ESR1: variants seen among roughly 807,000 people sequenced by gnomAD.
The protein encoded by ESR1 is estrogen receptor.
Under a neutral mutation model 52.7 loss-of-function variants are expected in ESR1, and 12 were observed. That is an observed-to-expected ratio of 0.23 (90% CI 0.15 to 0.37). The LOEUF (loss-of-function observed/expected upper bound fraction) is 0.37, where lower values mean the gene tolerates loss of function less well. Ranked by LOEUF, ESR1 falls within the 10% of genes least tolerant of loss-of-function variation. ESR1 has a pLI of 1.00. For missense variants in ESR1, 584 were observed against 779.7 expected (o/e 0.75, Z 2.99); for synonymous variants, 305 against 316.8 (o/e 0.96, Z 0.39).
intron 4 of ESR1, among the ~76,000 whole-genome samples, chr6:151,948,041 A>G (rs2035907176): frequency 6.6e-6 from 1 of 152,194 alleles, no homozygotes; most frequent in Non-Finnish European, 1.5e-5. Context: ...TTAATTTACT[A>G]TTATTTTACA....
chr6:151,842,815 T>G (rs1422357314), intron 2 of ESR1, 28 bp downstream of exon 2: 1 of 1,604,092 alleles, frequency 6.2e-7, no homozygotes, highest in East Asian at 2.2e-5. Context: ...ACGACTTCTA[T>G]TTTTGATCCT....
At chr6:151,912,282 C>T (rs1314090742) in intron 3 of ESR1, among the ~76,000 whole-genome samples, 3 of 152,188 alleles carry the variant, frequency 2.0e-5, no homozygotes, top group African/African-American at 7.2e-5. Context: ...TTTTCAAATT[C>T]GGTTGAAACA....
intron 2 of ESR1, among the ~76,000 whole-genome samples, chr6:151,770,594 C>A (rs1785430894): frequency 6.6e-6 from 1 of 151,980 alleles, no homozygotes; most frequent in African/African-American, 2.4e-5. Context: ...TTGACCATTT[C>A]TTTCCAAGCG....
rs375211210 is a variant in ESR1 at position 152,016,805 on chromosome 6, A to AT, written c.1235+5016dup. 6.3e-4 allele frequency among the ~76,000 whole-genome samples: 96 copies of AT among 152,214 alleles called. 1 individual carries two copies. The highest frequency in any genetic ancestry group is 2.2e-3 in the African/African-American group (91 of 41,552). On this transcript the variant is annotated intron_variant, in intron 5 of 7. Transcript: ENST00000206249. ...AGAGGCAGATGATGGTAATTTCATC[A>AT]TTTTTCTCATATCTCAGGCATTGTG...
intron 2 of ESR1, among the ~76,000 whole-genome samples, chr6:151,796,527 A>G (rs1583323524): frequency 6.6e-6 from 1 of 152,236 alleles, no homozygotes; most frequent in Non-Finnish European, 1.5e-5. Context: ...TAAATAAAAT[A>G]CAATTTTAAA....
Position 152,098,524 on chromosome 6 carries a change from A to C in ESR1, c.1554-208A>C, listed in dbSNP as rs1293398652. Among the ~76,000 whole-genome samples, 1 of 152,034 alleles carries C rather than the reference A, an allele frequency of 6.6e-6. No individual in the cohort carries two copies. Among genetic ancestry groups the C allele is most frequent in the Non-Finnish European group, 1.5e-5 (1 of 67,994 alleles). ...CCGCCCTGGTAGGAGGTGGAAAATG[A>C]AAAACACACGGCCATGAGTTCCAGA... On this transcript the variant is annotated intron_variant, in intron 7 of 7. Transcript: ENST00000206249. This position sits in a 1 kb window ranked among gnomAD's most constrained non-coding sequence, Gnocchi z 5.1.
rs1234205241 is a variant in ESR1 at position 151,848,334 on chromosome 6, CG to C, written c.643+5552del. Among the ~76,000 whole-genome samples the C allele has an allele frequency of 5.4e-5, 5 of 93,294 alleles. No homozygotes were observed. The South Asian group carries it at 2.2e-3, about 41-fold the overall frequency. The allele number at this position is 93,294 out of a possible 152,430, so 61.2% of individuals were successfully genotyped here. A position where few individuals can be genotyped will look rare whatever the true frequency, so the allele number is the denominator to read the frequency against. On this transcript the variant is annotated intron_variant, in intron 2 of 7. Coordinates refer to ENST00000206249, the MANE Select transcript of ESR1 (RefSeq NM_000125.4). ...CACACTCTGGGGACTGTGGTGGGGT[CG>C]GGGGAGGGGGGAGGGATAGCATTGG...
At chr6:151,751,587 GA>G (rs559552982) in intron 2 of ESR1, among the ~76,000 whole-genome samples, 153 of 152,292 alleles carry the variant, frequency 1.0e-3, no homozygotes, top group African/African-American at 3.3e-3. Context: ...ATTTAGGGGG[GA>G]AAAATCCCAA....
At chr6:151,806,524 T>C (rs955080969), upstream of ESR1, among the ~76,000 whole-genome samples, 1 of 61,754 alleles carries the variant, frequency 1.6e-5, no homozygotes, top group African/African-American at 6.1e-5. Context: ...TTTGTCTCCT[T>C]AATATGTATA....
intron 4 of ESR1, among the ~76,000 whole-genome samples, chr6:151,964,906 T>A (rs1236402833): frequency 1.3e-5 from 2 of 152,172 alleles, no homozygotes; most frequent in Non-Finnish European, 2.9e-5. Flanking sequence ...CCTTCCAAAG[T>A]GCTGGGATTA....
rs982346017 is a variant in ESR1, at chr6:151,839,358, A to G, written c.453-3239A>G. Among the ~76,000 whole-genome samples, 12 of 152,278 alleles carry G rather than the reference A, an allele frequency of 7.9e-5. No individual in the cohort carries two copies. In the East Asian group the frequency reaches 2.3e-3, roughly 29 times the overall value. ...AAGAAGAGAGTAAGTGTTGGAGAGG[A>G]TATAGAGCAAATAGAAACCTTGTGC... On this transcript the variant is annotated intron_variant, in intron 1 of 7. Coordinates refer to ENST00000206249, the MANE Select transcript of ESR1 (RefSeq NM_000125.4).
intron 4 of ESR1, among the ~76,000 whole-genome samples, chr6:151,998,357 C>T (rs1185309151): frequency 6.6e-6 from 1 of 150,560 alleles, no homozygotes; most frequent in Non-Finnish European, 1.5e-5. Context: ...CCAATAAAAT[C>T]AGTATTATTT....
chr6:151,937,320 G>A (rs1413502698), intron 3 of ESR1, among the ~76,000 whole-genome samples: 2 of 152,122 alleles, frequency 1.3e-5, no homozygotes, highest in South Asian at 2.1e-4. Flanking sequence ...CACTACCTCT[G>A]GTAGCCCCAT....
At chr6:151,953,532 C>T (rs986597676) in intron 4 of ESR1, among the ~76,000 whole-genome samples, 3 of 152,038 alleles carry the variant, frequency 2.0e-5, no homozygotes, top group Non-Finnish European at 4.4e-5. Flanking sequence ...ATCATCCTGG[C>T]CAACATGGTG....
Position 151,722,369 on chromosome 6 carries a change from C to T in ESR1, c.-71+20364C>T, listed in dbSNP as rs151271045. Among the ~76,000 whole-genome samples the T allele has an allele frequency of 3.1e-3, 466 of 152,260 alleles. 2 individuals carry two copies. The highest frequency in any genetic ancestry group is 0.011 in the African/African-American group (444 of 41,540). On this transcript the variant is annotated intron_variant, in intron 2 of 2. Transcript: ENST00000404742. ...GCAAGGATTTCATTGAGAAGTCCCTCATGGAAGAAGAAGATTACATTGGAA... is the reference window on the plus strand; with the variant it reads ...GCAAGGATTTCATTGAGAAGTCCCTTATGGAAGAAGAAGATTACATTGGAA...
chr6:151,856,584 A>G (rs979322094), intron 2 of ESR1, among the ~76,000 whole-genome samples: 6 of 131,920 alleles, frequency 4.5e-5, no homozygotes, highest in African/African-American at 1.6e-4. Flanking sequence ...TATCAATTAT[A>G]TACAACGTGT....
intron 1 of ESR1, among the ~76,000 whole-genome samples, chr6:151,673,728 A>T (rs984394982): frequency 2.6e-5 from 4 of 152,144 alleles, no homozygotes; most frequent in African/African-American, 4.8e-5. Flanking sequence ...ACAACAAATT[A>T]AAAAACTGCT....
chr6:151,837,093 C>T (rs1157632499), intron 1 of ESR1, among the ~76,000 whole-genome samples: 1 of 151,204 alleles, frequency 6.6e-6, no homozygotes, highest in African/African-American at 2.4e-5. Context: ...ATTCTCTGGA[C>T]CCAATATGAA....
chr6:151,661,097 T>C (rs2115198689), intron 1 of ESR1, among the ~76,000 whole-genome samples: 1 of 151,526 alleles, frequency 6.6e-6, no homozygotes, highest in Non-Finnish European at 1.5e-5. Context: ...AATGGTAAGA[T>C]TGTTTTAAAA....
Sources: allele counts gnomAD v4.1 joint callset (sites outside exome capture counted in the v4.1 genomes callset), GRCh38; gene constraint gnomAD v4.1.1; non-coding constraint Gnocchi (gnomAD v3.1); transcripts MANE v1.5; gene names NCBI Gene and HGNC (gene_info 2026-07-23, HGNC 2026-07-21).